Variants in EYS observed in about 807,000 individuals in gnomAD.
EYS encodes protein eyes shut homolog.
In EYS, 250 loss-of-function variants were observed where a neutral mutation model predicts 282.1. The ratio of observed to expected loss-of-function variants is 0.89; its 90% confidence interval spans 0.80 to 0.98. The LOEUF is 0.98. Ranked by LOEUF, EYS falls within the 50% of genes least tolerant of loss-of-function variation. The pLI is 0.00. For missense variants in EYS, 4,016 were observed against 3,709.0 expected, an observed-to-expected ratio of 1.08 and a Z score of -2.15; for synonymous variants, 1,355 against 1,282.9, an observed-to-expected ratio of 1.06 and a Z score of -1.20.
intron 4 of EYS, among the ~76,000 whole-genome samples, chr6:65,494,018 T>A (rs1766139669): frequency 6.6e-6 from 1 of 152,186 alleles, no homozygotes; most frequent in Admixed American, 6.5e-5. Flanking sequence ...TGGGAATTCA[T>A]TCAGTGACTA....
At chr6:65,681,886 A>T (rs1194338518) in intron 1 of EYS, among the ~76,000 whole-genome samples, 1 of 151,938 alleles carries the variant, frequency 6.6e-6, no homozygotes, top group East Asian at 1.9e-4. Flanking sequence ...CTAATCATTA[A>T]GAAATATAGT....
chr6:64,216,182 A>G (rs1765920780), intron 31 of EYS, among the ~76,000 whole-genome samples: 1 of 152,248 alleles, frequency 6.6e-6, no homozygotes, highest in Non-Finnish European at 1.5e-5. Context: ...GAAGTCAGTA[A>G]TGGATCTAGA....
chr6:63,915,293 A>G (rs753501476), intron 35 of EYS, among the ~76,000 whole-genome samples: 3 of 152,158 alleles, frequency 2.0e-5, no homozygotes, highest in Non-Finnish European at 4.4e-5. Context: ...CAAATGGAAC[A>G]ATGAAGCCTG....
At chr6:64,123,917 C>A (rs143260399) in intron 31 of EYS, among the ~76,000 whole-genome samples, 1 of 152,270 alleles carries the variant, frequency 6.6e-6, no homozygotes, top group East Asian at 1.9e-4. Context: ...TTTCCTTGGG[C>A]TCAGTACATC....
intron 14 of EYS, among the ~76,000 whole-genome samples, chr6:64,976,100 C>G (rs1430310777): frequency 6.6e-6 from 1 of 151,676 alleles, no homozygotes; most frequent in Non-Finnish European, 1.5e-5. Flanking sequence ...ATGAAATGAA[C>G]TAAGAATACA....
rs536754409 is a variant in EYS at position 64,736,002 on chromosome 6, A to G, written c.3443+77376T>C. On this transcript the variant is annotated intron_variant, in intron 22 of 42. Transcript: ENST00000503581. ...AGTCCTTGAAGTTCTATAAAAGATG[A>G]ATTAAATCTAATATATGCAATTGGT... Among the ~76,000 whole-genome samples, 9 of 152,190 alleles carry G rather than the reference A, an allele frequency of 5.9e-5. No individual in the cohort carries two copies. In the South Asian group the frequency reaches 1.9e-3, roughly 32 times the overall value.
At chr6:64,209,088 T>A (rs1765690359) in intron 31 of EYS, among the ~76,000 whole-genome samples, 1 of 152,084 alleles carries the variant, frequency 6.6e-6, no homozygotes, top group Admixed American at 6.6e-5. Context: ...AATGAGCTAG[T>A]AAGCCAAGCA....
intron 19 of EYS, among the ~76,000 whole-genome samples, chr6:64,837,605 A>G (rs1375719986): frequency 6.8e-6 from 1 of 147,998 alleles, no homozygotes; most frequent in Admixed American, 6.8e-5. Flanking sequence ...GATATATGAT[A>G]TATATGATAT....
At chr6:64,422,572 G>A (rs1774271000) in intron 28 of EYS, among the ~76,000 whole-genome samples, 1 of 152,186 alleles carries the variant, frequency 6.6e-6, no homozygotes, top group Admixed American at 6.5e-5. Context: ...TCAATAGGTT[G>A]AGTATAAAAA....
intron 2 of EYS, among the ~76,000 whole-genome samples, chr6:65,510,582 A>C (rs1766831480): frequency 6.6e-6 from 1 of 152,122 alleles, no homozygotes; most frequent in Non-Finnish European, 1.5e-5. Context: ...CCTGTAGGAA[A>C]GGTATTTCTT....
chr6:65,186,917 G>T (rs938895271), intron 12 of EYS, among the ~76,000 whole-genome samples: 1 of 151,626 alleles, frequency 6.6e-6, no homozygotes, highest in Non-Finnish European at 1.5e-5. Context: ...ATATGCTGAG[G>T]CAAGTAGAAC....
At chr6:64,428,323 T>C (rs1454319545) in intron 28 of EYS, among the ~76,000 whole-genome samples, 1 of 152,138 alleles carries the variant, frequency 6.6e-6, no homozygotes, top group Non-Finnish European at 1.5e-5. Flanking sequence ...CCACTTTCAG[T>C]TTGTTTTCAA....
intron 26 of EYS, among the ~76,000 whole-genome samples, chr6:64,482,368 A>G (rs1417053161): frequency 5.3e-5 from 8 of 151,714 alleles, no homozygotes; most frequent in Non-Finnish European, 7.4e-5. Flanking sequence ...TGGCCACCAT[A>G]TATGATTCAT....
intron 22 of EYS, among the ~76,000 whole-genome samples, chr6:64,786,559 G>A (rs546323280): frequency 5.3e-5 from 8 of 152,186 alleles, no homozygotes; most frequent in African/African-American, 1.7e-4. Context: ...AGGGGCACTG[G>A]TTCTACTTTT....
At chr6:64,832,918 G>T (rs1365509542) in intron 19 of EYS, among the ~76,000 whole-genome samples, 4 of 151,852 alleles carry the variant, frequency 2.6e-5, no homozygotes, top group African/African-American at 9.7e-5. Context: ...TTAGTTCAAA[G>T]GACATTCTTT....
intron 2 of EYS, among the ~76,000 whole-genome samples, chr6:65,577,208 T>C (rs974825388): frequency 1.1e-4 from 16 of 151,880 alleles, no homozygotes; most frequent in Non-Finnish European, 2.2e-4. Context: ...AGCATGGTAC[T>C]GGCAAAACAA....
At chr6:65,285,567 A>G (rs1375495001) in intron 12 of EYS, among the ~76,000 whole-genome samples, 1 of 152,018 alleles carries the variant, frequency 6.6e-6, no homozygotes, top group African/African-American at 2.4e-5. Context: ...ATTCATAAAA[A>G]AGATCATTTT....
intron 12 of EYS, among the ~76,000 whole-genome samples, chr6:65,128,489 C>G (rs1775780274): frequency 6.6e-6 from 1 of 151,946 alleles, no homozygotes; most frequent in African/African-American, 2.4e-5. Context: ...TTTCACAGTA[C>G]AAAATCAGTG....
chr6:64,917,987 A>AT (rs1562258322), intron 15 of EYS, among the ~76,000 whole-genome samples: 1 of 151,952 alleles, frequency 6.6e-6, no homozygotes, highest in Admixed American at 6.6e-5. Context: ...AAAGGGAAGA[A>AT]TTTTTTTTAA....
Sources: allele counts gnomAD v4.1 joint callset (sites outside exome capture counted in the v4.1 genomes callset), GRCh38; gene constraint gnomAD v4.1.1; transcripts MANE v1.5; gene names NCBI Gene and HGNC (gene_info 2026-07-23, HGNC 2026-07-21).